Variants in AGBL4 observed in about 807,000 individuals in gnomAD.
AGBL4 encodes cytosolic carboxypeptidase 6.
A neutral mutation model predicts 66.4 loss-of-function variants in AGBL4; 58 were observed. The observed-to-expected ratio is 0.87, with a 90% CI of 0.71 to 1.09. The LOEUF (loss-of-function observed/expected upper bound fraction) is 1.09. Ranked by LOEUF, AGBL4 falls within the 50% of genes least tolerant of loss-of-function variation. The pLI is 0.00. For synonymous variants in AGBL4, 234 were observed against 222.9 expected, an observed-to-expected ratio of 1.05 and a Z score of -0.44; for missense variants, 579 against 631.0, an observed-to-expected ratio of 0.92 and a Z score of 0.88.
intron 5 of AGBL4, among the ~76,000 whole-genome samples, chr1:48,960,964 C>A (rs1350330465): frequency 1.3e-5 from 2 of 152,208 alleles, no homozygotes; most frequent in Non-Finnish European, 2.9e-5. Context: ...GTAGCTAAGG[C>A]CTCACCTAGC....
At chr1:49,935,377 G>C (rs1653867531) in intron 1 of AGBL4, among the ~76,000 whole-genome samples, 1 of 152,340 alleles carries the variant, frequency 6.6e-6, no homozygotes, top group South Asian at 2.1e-4. Flanking sequence ...TTGCCTGCCT[G>C]CCTCTGTAGG....
At chr1:48,536,539 T>C (rs1643973623) in intron 12 of AGBL4, among the ~76,000 whole-genome samples, 1 of 152,212 alleles carries the variant, frequency 6.6e-6, no homozygotes, top group African/African-American at 2.4e-5. Context: ...CCTCCATAAA[T>C]CTGAGCACAC....
chr1:49,075,416 A>C (rs186168279), intron 4 of AGBL4, among the ~76,000 whole-genome samples: 2 of 152,324 alleles, frequency 1.3e-5, no homozygotes, highest in East Asian at 3.9e-4. Flanking sequence ...AAATAAAAAT[A>C]AATAACCCAG....
rs1646122169 is a variant in AGBL4, at chr1:49,845,672, G to T, written c.157+5724C>A. On this transcript the variant is annotated intron_variant, in intron 2 of 13. Transcript: ENST00000371839. ...ACAGGAGAAAAGCCCTGTGAGTGCA[G>T]TGAGTCTGGGAAAGCCTTCAGCCAG... 5 of 1,605,534 alleles carry T rather than the reference G, an allele frequency of 3.1e-6. No individual in the cohort carries two copies. The South Asian group carries it at 5.5e-5, about 18-fold the overall frequency.
intron 12 of AGBL4, among the ~76,000 whole-genome samples, chr1:48,538,158 CTA>C (rs1269933081): frequency 6.6e-6 from 1 of 152,128 alleles, no homozygotes; most frequent in Non-Finnish European, 1.5e-5. Flanking sequence ...CATGAAGACT[CTA>C]TGACATGGGG....
At chr1:49,315,071 T>A (rs1268410666) in intron 3 of AGBL4, among the ~76,000 whole-genome samples, 1 of 151,962 alleles carries the variant, frequency 6.6e-6, no homozygotes, top group East Asian at 1.9e-4. Flanking sequence ...TATAGACCAA[T>A]GGAACAGAAC....
chr1:49,744,990 A>G (rs994810481), intron 2 of AGBL4, among the ~76,000 whole-genome samples: 5 of 152,124 alleles, frequency 3.3e-5, no homozygotes. Context: ...GTAGTGAAGA[A>G]ATAGAGAAAC....
At chr1:49,147,804 G>T (rs1316852673) in intron 4 of AGBL4, among the ~76,000 whole-genome samples, 1 of 152,080 alleles carries the variant, frequency 6.6e-6, no homozygotes, top group Admixed American at 6.6e-5. Context: ...AGGCTTGAAG[G>T]ATGGATAGTG....
chr1:49,793,681 T>C (rs1644661460), intron 2 of AGBL4, among the ~76,000 whole-genome samples: 2 of 151,822 alleles, frequency 1.3e-5, no homozygotes, highest in Admixed American at 6.6e-5. Flanking sequence ...ATAACACAAG[T>C]GAAGATGTTA....
chr1:49,662,822 G>A (rs1330100464), intron 3 of AGBL4, among the ~76,000 whole-genome samples: 1 of 152,042 alleles, frequency 6.6e-6, no homozygotes, highest in African/African-American at 2.4e-5. Context: ...GAAAGAATCA[G>A]GCAGTTAAGG....
chr1:48,724,712 T>A (rs1647204673), intron 6 of AGBL4, among the ~76,000 whole-genome samples: 1 of 152,150 alleles, frequency 6.6e-6, no homozygotes, highest in African/African-American at 2.4e-5. Flanking sequence ...ATAAAGTAGT[T>A]TTTCTCTATA....
chr1:49,561,263 T>A (rs951529081), intron 3 of AGBL4, among the ~76,000 whole-genome samples: 2 of 151,822 alleles, frequency 1.3e-5, no homozygotes, highest in African/African-American at 4.8e-5. Flanking sequence ...AAAAATTGTA[T>A]ATTTTTTGCT....
intron 3 of AGBL4, among the ~76,000 whole-genome samples, chr1:49,647,663 T>C (rs1461945210): frequency 1.3e-5 from 2 of 152,090 alleles, no homozygotes; most frequent in Admixed American, 6.6e-5. Flanking sequence ...CATTCTCTTC[T>C]ACTTAACAAG....
intron 3 of AGBL4, among the ~76,000 whole-genome samples, chr1:49,692,716 T>TAA (rs1646913420): frequency 7.4e-6 from 1 of 135,062 alleles, no homozygotes; most frequent in Non-Finnish European, 1.6e-5. Flanking sequence ...AGACTCTGTC[T>TAA]CAAAAAAAAA....
chr1:48,734,043 A>T (rs1485930575), intron 6 of AGBL4, among the ~76,000 whole-genome samples: 1 of 152,222 alleles, frequency 6.6e-6, no homozygotes, highest in Non-Finnish European at 1.5e-5. Context: ...TCGGTCACCT[A>T]CCAGGCAGGG....
At chr1:49,578,312 G>A (rs1320814471) in intron 3 of AGBL4, among the ~76,000 whole-genome samples, 1 of 152,180 alleles carries the variant, frequency 6.6e-6, no homozygotes, top group Admixed American at 6.5e-5. Flanking sequence ...CATGCCCTGT[G>A]ATTAAGGTCA....
Position 49,527,670 on chromosome 1 carries a change from C to T in AGBL4, c.282+169643G>A, listed in dbSNP as rs1373244282. On this transcript the variant is annotated intron_variant, in intron 3 of 13. Transcript: ENST00000371839. ...ACTGGACAAATTACAACTCTTATAA[C>T]GTTTATCAAGCCATCCCTTTGGGGA... is the stretch of plus-strand genomic sequence containing the variant. The T allele has an allele frequency of 4.6e-5, 7 of 152,230 alleles. 1 individual carries two copies. The highest frequency in any genetic ancestry group is 2.4e-5 in the African/African-American group (1 of 41,392). The allele number at this position is 152,230 out of a possible 1,614,324, so 9.4% of individuals were successfully genotyped here. A position where few individuals can be genotyped will look rare whatever the true frequency, so the allele number is the denominator to read the frequency against.
chr1:49,565,153 G>C lies in AGBL4; in HGVS notation c.282+132160C>G, dbSNP rs1441618796. On this transcript the variant is annotated intron_variant, in intron 3 of 13. Coordinates refer to ENST00000371839, the MANE Select transcript of AGBL4 (RefSeq NM_032785.4). ...CCCTGCCTTTTTTTGTTTTCCATTT[G>C]CTTGGTAGATCTTCCTCCATCCCTT... is the stretch of plus-strand genomic sequence containing the variant. Among the ~76,000 whole-genome samples the C allele has an allele frequency of 1.1e-4, 16 of 151,926 alleles. 1 individual carries two copies. Among genetic ancestry groups the C allele is most frequent in the Admixed American group, 1.1e-3 (16 of 15,234 alleles).
chr1:48,802,903 AGACCTCT>A (rs1181752325), intron 6 of AGBL4, among the ~76,000 whole-genome samples: 26 of 152,276 alleles, frequency 1.7e-4, no homozygotes, highest in African/African-American at 5.1e-4. Flanking sequence ...TTTCCACCAT[AGACCTCT>A]GGTTCCAACC....
Sources: allele counts gnomAD v4.1 joint callset (sites outside exome capture counted in the v4.1 genomes callset), GRCh38; gene constraint gnomAD v4.1.1; transcripts MANE v1.5; gene names NCBI Gene and HGNC (gene_info 2026-07-23, HGNC 2026-07-21).